ANKRD18A: variants seen among roughly 807,000 people sequenced by gnomAD.
The protein encoded by ANKRD18A is ankyrin repeat domain-containing protein 18A.
A neutral mutation model predicts 110.6 loss-of-function variants in ANKRD18A; 72 were observed. That is an observed-to-expected ratio of 0.65 (90% CI 0.54 to 0.79). The LOEUF (loss-of-function observed/expected upper bound fraction) is 0.79. Ranked by LOEUF, ANKRD18A falls within the 30% of genes least tolerant of loss-of-function variation. The pLI is 0.00. For missense variants in ANKRD18A, 934 were observed against 1,163.3 expected (o/e 0.80, Z 2.87); for synonymous variants, 305 against 410.3 (o/e 0.74, Z 3.10).
chr9:38,603,159 C>A lies in ANKRD18A; in HGVS notation c.862G>T (p.Ala288Ser), dbSNP rs768623528. 6.4e-7 allele frequency: 1 copy of A among 1,550,938 alleles called. No homozygotes were observed. Among genetic ancestry groups the A allele is most frequent in the Non-Finnish European group, 8.7e-7 (1 of 1,146,534 alleles). ...NLKKRKERAK[A>S]EHNLKVASEE... ...GGAGTAGAGAACTCAAGTGTCTTAC[C>A]TTTTGCACGTTCTTTTCTTTTTTTC... Residue 288 changes from alanine (A) to serine (S), a missense_variant and splice_region_variant, in exon 7 of 16, where the codon GCA becomes TCA. Around this residue, in one of 4 missense-constraint regions of ANKRD18A, gnomAD observed 630 missense variants for 797.5 expected, o/e 0.79. Transcript: ENST00000399703.
chr9:38,614,166 C>T (rs1009934819), intron 3 of ANKRD18A, among the ~76,000 whole-genome samples: 1 of 150,742 alleles, frequency 6.6e-6, no homozygotes, highest in Non-Finnish European at 1.5e-5. Flanking sequence ...GAATTTATAT[C>T]CTGCACTTAT....
chr9:38,610,479 A>C (rs1825565390), intron 4 of ANKRD18A, 69 bp from the exon 5 acceptor site: 3 of 1,484,328 alleles, frequency 2.0e-6, no homozygotes, highest in Non-Finnish European at 2.7e-6. Flanking sequence ...AATTGGATAC[A>C]CTTTACCAAT....
At chr9:38,605,589 T>G (rs886901854) in intron 6 of ANKRD18A, among the ~76,000 whole-genome samples, 1 of 152,208 alleles carries the variant, frequency 6.6e-6, no homozygotes, top group Non-Finnish European at 1.5e-5. Context: ...GAACATTTAT[T>G]ATGATTATCT....
At position 38,603,177 on chromosome 9, in the gene ANKRD18A, T is replaced by A. The variant is rs1291745774; in HGVS notation, c.844A>T (p.Arg282Ter). ...GTCTTACCTTTTGCACGTTCTTTTC[T>A]TTTTTTCAAATTTGCAGGCTTCATA... ...AAMKPANLKKRKERAKAEHNL... is the reference protein window; with the variant it reads ...AAMKPANLKK The change falls in exon 7 of 16, where the codon AGA (arginine) becomes TGA (stop). Residue 282 changes from arginine to a stop codon, truncating the protein, a stop_gained. Coordinates refer to ENST00000399703, the MANE Select transcript of ANKRD18A (RefSeq NM_147195.4). LOFTEE classifies it high-confidence loss of function. 6.3e-5 allele frequency: 97 copies of A among 1,550,912 alleles called. No individual in the cohort carries two copies. Among genetic ancestry groups the A allele is most frequent in the Non-Finnish European group, 7.9e-5 (91 of 1,146,568 alleles).
At chr9:38,619,132 G>A (rs894909172) in intron 1 of ANKRD18A, among the ~76,000 whole-genome samples, 9 of 151,894 alleles carry the variant, frequency 5.9e-5, no homozygotes, top group Admixed American at 2.6e-4. Flanking sequence ...TGCTTGCGAG[G>A]TCATTCTTAC....
At chr9:38,607,853 T>C (rs115194424) in intron 5 of ANKRD18A, among the ~76,000 whole-genome samples, 3,952 of 152,308 alleles carry the variant, frequency 0.026, 80 homozygotes, top group Middle Eastern at 0.048. Context: ...AAATAAAGGT[T>C]TTACTACTTG....
chr9:38,581,083 T>C (rs1450120659), intron 12 of ANKRD18A, among the ~76,000 whole-genome samples: 1 of 152,210 alleles, frequency 6.6e-6, no homozygotes, highest in East Asian at 1.9e-4. Context: ...CCAATCTTTT[T>C]CCAAACCACA....
At chr9:38,586,468 T>C (rs953669885) in intron 11 of ANKRD18A, among the ~76,000 whole-genome samples, 156 bp from the exon 12 acceptor site, 1 of 152,152 alleles carries the variant, frequency 6.6e-6, no homozygotes, top group African/African-American at 2.4e-5. Context: ...GCATTCTATA[T>C]GAAATTATAA....
At chr9:38,589,179 C>T (rs887098241) in intron 10 of ANKRD18A, among the ~76,000 whole-genome samples, 1 of 152,142 alleles carries the variant, frequency 6.6e-6, no homozygotes, top group Non-Finnish European at 1.5e-5. Flanking sequence ...TGTCTATTAA[C>T]CATTTCTCTT....
At chr9:38,618,868 G>GATAT (rs34689102) in intron 1 of ANKRD18A, among the ~76,000 whole-genome samples, 5 of 148,546 alleles carry the variant, frequency 3.4e-5, no homozygotes, top group African/African-American at 9.9e-5. Flanking sequence ...ATATATAACT[G>GATAT]ATATATATAT....
At chr9:38,591,289 T>G (rs1228036730) in intron 10 of ANKRD18A, among the ~76,000 whole-genome samples, 1 of 152,052 alleles carries the variant, frequency 6.6e-6, no homozygotes, top group Non-Finnish European at 1.5e-5. Flanking sequence ...TGGAATGGTT[T>G]GAGAGGCAGT....
In ANKRD18A at chr9:38,577,093, C is replaced by T. The variant is rs1214994042; in HGVS notation, c.2701G>A (p.Ala901Thr). 2 of 1,548,814 alleles carry T rather than the reference C, an allele frequency of 1.3e-6. No homozygotes were observed. The highest frequency in any genetic ancestry group is 2.0e-5 in the Admixed American group (1 of 50,692). ...LEEFKEAFAG[A>T]VKANNSMSKK... ...GACATGGAATTGTTAGCTTTCACTG[C>T]TCCTGCAAAGGCTTCCTTAAATTCT... is the stretch of plus-strand genomic sequence containing the variant. The change falls in exon 14 of 16, where the codon GCA (alanine) becomes ACA (threonine). Residue 901 changes from alanine (A) to threonine (T), a missense_variant. Physicochemically the swap from Ala to Thr is moderately conservative, Grantham distance 58. Around this residue, in one of 4 missense-constraint regions of ANKRD18A, gnomAD observed 223 missense variants for 226.7 expected, o/e 0.98. Coordinates refer to ENST00000399703, the MANE Select transcript of ANKRD18A (RefSeq NM_147195.4).
chr9:38,606,919 C>T (rs1825385016), intron 6 of ANKRD18A, among the ~76,000 whole-genome samples: 1 of 151,948 alleles, frequency 6.6e-6, no homozygotes, highest in Non-Finnish European at 1.5e-5. Flanking sequence ...TCAGACAATA[C>T]TGTTTGAGAT....
At chr9:38,603,263 T>C (rs950248763) in intron 6 of ANKRD18A, 51 bp from the exon 7 acceptor site, 1 of 1,549,154 alleles carries the variant, frequency 6.5e-7, no homozygotes, top group Non-Finnish European at 8.7e-7. Flanking sequence ...ACATCATCCC[T>C]CTGCCTCCTT....
intron 12 of ANKRD18A, among the ~76,000 whole-genome samples, chr9:38,584,028 C>A (rs1824270968): frequency 1.3e-5 from 2 of 152,334 alleles, no homozygotes; most frequent in East Asian, 3.9e-4. Flanking sequence ...GGAATTCACG[C>A]CTTATGCAGA....
Position 38,593,882 on chromosome 9 carries a change from G to A in ANKRD18A, c.1882C>T (p.Leu628=). The A allele has an allele frequency of 6.7e-7, 1 of 1,497,598 alleles. No homozygotes were observed. The highest frequency in any genetic ancestry group is 2.5e-5 in the East Asian group (1 of 39,460). 92.8% of individuals were successfully genotyped at this position (1,497,598 alleles called of 1,614,324 possible). Residue 628 remains leucine, a synonymous_variant, in exon 10 of 16, where the codon CTG becomes TTG. Transcript: ENST00000399703. The part of the protein sequence containing the change: ...EVIVREFQEE[L]VDHLKTFSIS... ...GAAAATGTTTTAAGGTGATCGACCAGTTCTTCTTGAAATTCTCTCACAATC... is the reference window on the plus strand; with the variant it reads ...GAAAATGTTTTAAGGTGATCGACCAATTCTTCTTGAAATTCTCTCACAATC...
At chr9:38,574,200 C>T (rs1413241420) in intron 15 of ANKRD18A, among the ~76,000 whole-genome samples, 1 of 152,078 alleles carries the variant, frequency 6.6e-6, no homozygotes, top group Non-Finnish European at 1.5e-5. Context: ...TAGTGGATTC[C>T]AGCTGTATCC....
At position 38,610,379 on chromosome 9, in the gene ANKRD18A, A is replaced by T. The variant is rs1473478667; in HGVS notation, c.634T>A (p.Leu212Met). 6.5e-7 allele frequency: 1 copy of T among 1,550,176 alleles called. No homozygotes were observed. Among genetic ancestry groups the T allele is most frequent in the Non-Finnish European group, 8.7e-7 (1 of 1,146,558 alleles). The part of the protein sequence containing the change: ...TALILAVQHN[L>M]SSIVTLLLQQ... ...AGCAGGAGGGTGACGATACTTGACA[A>T]GTTATGCTGTACTGCAAGTATGAGG... Residue 212 changes from leucine to methionine, a missense_variant, in exon 5 of 16, where the codon TTG (leucine) becomes ATG (methionine). Leu to Met is a conservative substitution (Grantham distance 15). Coordinates refer to ENST00000399703, the MANE Select transcript of ANKRD18A (RefSeq NM_147195.4).
At position 38,620,187 on chromosome 9, in the gene ANKRD18A, C is replaced by G. The variant is rs1178434671; in HGVS notation, c.99G>C (p.Trp33Cys). The G allele has an allele frequency of 6.4e-7, 1 of 1,558,612 alleles. No homozygotes were observed. The highest frequency in any genetic ancestry group is 8.7e-7 in the Non-Finnish European group (1 of 1,150,974). Reference sequence around the variant, plus strand: ...CAGCCCTGTGGATCTTCCGCAGTTCCCAGTCCCGAATGTCGTAACCCGGAC... The same window carrying G: ...CAGCCCTGTGGATCTTCCGCAGTTCGCAGTCCCGAATGTCGTAACCCGGAC... ...YAGPGYDIRD[W>C]ELRKIHRAAI... is the part of the protein sequence containing the mutation. Residue 33 changes from tryptophan (W) to cysteine (C), a missense_variant, in exon 1 of 16, where the codon TGG becomes TGC. By Grantham distance (215) the Trp-to-Cys change is radical (BLOSUM62 -2). Coordinates refer to ENST00000399703, the MANE Select transcript of ANKRD18A (RefSeq NM_147195.4).
Sources: allele counts gnomAD v4.1 joint callset (sites outside exome capture counted in the v4.1 genomes callset), GRCh38; gene constraint gnomAD v4.1.1; regional missense constraint gnomAD v4.1.1; transcripts MANE v1.5; gene names NCBI Gene and HGNC (gene_info 2026-07-23, HGNC 2026-07-21).